GNAT1: variants seen among roughly 807,000 people sequenced by gnomAD.
The protein encoded by GNAT1 is guanine nucleotide-binding protein G(t) subunit alpha-1.
A neutral mutation model predicts 40.0 loss-of-function variants in GNAT1; 36 were observed. The observed-to-expected ratio is 0.90, with a 90% CI of 0.69 to 1.19. The LOEUF is 1.19. GNAT1 is among the 50% of genes most tolerant of loss of function. GNAT1 has a pLI of 0.00. For missense variants in GNAT1, 413 were observed against 480.6 expected, an observed-to-expected ratio of 0.86 and a Z score of 1.32; for synonymous variants, 195 against 192.9, an observed-to-expected ratio of 1.01 and a Z score of -0.09.
rs1699439204 is a variant in GNAT1, at chr3:50,193,124, C to CAGA, written c.107-9_107-8insAGA. On this transcript the variant is annotated splice_polypyrimidine_tract_variant and intron_variant, in intron 1 of 8. Transcript: ENST00000232461. The surrounding 1 kb of genome is among the most constrained non-coding windows in gnomAD (Gnocchi z 8.1). ...TCAGCGCAGCTCTGAGGCGCCGCGT[C>CAGA]TCTTTCAGGTGCCGGTGAGTCCGGG... 1 of 1,613,704 alleles carries CAGA rather than the reference C, an allele frequency of 6.2e-7. No homozygotes were observed. Among genetic ancestry groups the CAGA allele is most frequent in the Admixed American group, 1.7e-5 (1 of 59,990 alleles).
intron 1 of GNAT1, among the ~76,000 whole-genome samples, chr3:50,192,321 G>A (rs1269803045): frequency 3.3e-5 from 5 of 152,220 alleles, no homozygotes; most frequent in Non-Finnish European, 7.3e-5. Context: ...AGGTGCCAGA[G>A]GGCTGTGGCT....
chr3:50,192,713 A>G (rs190538785), intron 1 of GNAT1: 449 of 342,462 alleles, frequency 1.3e-3, no homozygotes, highest in Non-Finnish European at 2.1e-3. Flanking sequence ...AGACACCTGC[A>G]CCCCTTCAGG....
In GNAT1 at chr3:50,193,864, C is replaced by T; in HGVS notation, c.561C>T (p.Phe187=). The T allele has an allele frequency of 6.2e-7, 1 of 1,613,314 alleles. No homozygotes were observed. The highest frequency in any genetic ancestry group is 8.5e-7 in the Non-Finnish European group (1 of 1,179,940). The change falls in exon 5 of 9, where the codon TTC becomes TTT. Residue 187 remains phenylalanine (F), a synonymous_variant. Transcript: ENST00000232461. This position sits in a 1 kb window ranked among gnomAD's most constrained non-coding sequence, Gnocchi z 8.1. ...TTGIIETQFS[F]KDLNFRMFDV... is the part of the protein sequence containing the mutation. ...GCATCATCGAGACGCAGTTCTCCTT[C>T]AAGGATCTCAACTTCCGGTACGACC...
chr3:50,192,847 T>G (rs1699433143), intron 1 of GNAT1: 1 of 574,510 alleles, frequency 1.7e-6, no homozygotes. Flanking sequence ...AAAGGCTGCC[T>G]GTGCCGGGGT....
At position 50,194,963 on chromosome 3, in the gene GNAT1, C is replaced by A; in HGVS notation, c.*1+7C>A. The A allele has an allele frequency of 6.2e-7, 1 of 1,603,906 alleles. No homozygotes were observed. Among genetic ancestry groups the A allele is most frequent in the Non-Finnish European group, 8.5e-7 (1 of 1,172,974 alleles). On this transcript the variant is annotated splice_region_variant and intron_variant, in intron 8 of 8. Coordinates refer to ENST00000232461, the MANE Select transcript of GNAT1 (RefSeq NM_144499.3). The surrounding 1 kb of genome is among the most constrained non-coding windows in gnomAD (Gnocchi z 6.1). ...GACTGTGGCCTCTTCTGAGGTAGGTCGCTGCCCTCTCCAGGCTCTTGCCTC... is the reference window on the plus strand; with the variant it reads ...GACTGTGGCCTCTTCTGAGGTAGGTAGCTGCCCTCTCCAGGCTCTTGCCTC...
chr3:50,193,680 C>A lies in GNAT1; in HGVS notation c.449+17C>A. The A allele has an allele frequency of 6.3e-7, 1 of 1,599,450 alleles. No homozygotes were observed. The highest frequency in any genetic ancestry group is 8.5e-7 in the Non-Finnish European group (1 of 1,173,574). ...GGCGGGCTAGTGAGCGCGCGGGCAG[C>A]GCGGGGCGCGGGGCGCGGGGCGCAG... is the stretch of plus-strand genomic sequence containing the variant. On this transcript the variant is annotated intron_variant, in intron 4 of 8. Transcript: ENST00000232461. The surrounding 1 kb of genome is among the most constrained non-coding windows in gnomAD (Gnocchi z 8.1).
intron 1 of GNAT1, among the ~76,000 whole-genome samples, chr3:50,192,248 G>A (rs760264644): frequency 6.6e-6 from 1 of 152,218 alleles, no homozygotes; most frequent in Non-Finnish European, 1.5e-5. Context: ...GAAGGGGATG[G>A]CCATAGTCCT....
rs1699485220 is a variant in GNAT1 at position 50,195,333 on chromosome 3, A to C, written c.*67A>C. Reference sequence around the variant, plus strand: ...AGCCCTAGCTGCCTTGCAGCCCCAAACCCCAGGACCCTATCAGCCCCCTGG... The same window carrying C: ...AGCCCTAGCTGCCTTGCAGCCCCAACCCCCAGGACCCTATCAGCCCCCTGG... On this transcript the variant is annotated 3_prime_UTR_variant, in exon 9 of 9. Coordinates refer to ENST00000232461, the MANE Select transcript of GNAT1 (RefSeq NM_144499.3). 2.5e-5 allele frequency: 8 copies of C among 315,664 alleles called. No individual in the cohort carries two copies. Among genetic ancestry groups the C allele is most frequent in the Admixed American group, 4.3e-5 (1 of 23,048 alleles). The allele number at this position is 315,664 out of a possible 1,614,324, so 19.6% of individuals were successfully genotyped here.
At position 50,191,756 on chromosome 3, in the gene GNAT1, C is replaced by T. The variant is rs1377171417; in HGVS notation, c.31C>T (p.His11Tyr). MGAGASAEEK[H>Y]SRELEKKLKE... is the part of the protein sequence containing the mutation. ...GGCTGGGGCCAGTGCTGAGGAGAAG[C>T]ACTCCAGGGAGCTGGAAAAGAAGCT... Residue 11 changes from histidine to tyrosine, a missense_variant, in exon 1 of 9, where the codon CAC becomes TAC. Transcript: ENST00000232461. 3.1e-6 allele frequency: 5 copies of T among 1,613,630 alleles called. No individual in the cohort carries two copies. The highest frequency in any genetic ancestry group is 4.2e-6 in the Non-Finnish European group (5 of 1,179,524).
At position 50,194,710 on chromosome 3, in the gene GNAT1, A is replaced by AC. The variant is rs1012883337; in HGVS notation, c.863-49dup. 4.4e-6 allele frequency: 7 copies of AC among 1,606,172 alleles called. No homozygotes were observed. The highest frequency in any genetic ancestry group is 2.2e-5 in the East Asian group (1 of 44,754). On this transcript the variant is annotated intron_variant, in intron 7 of 8. Coordinates refer to ENST00000232461, the MANE Select transcript of GNAT1 (RefSeq NM_144499.3). This position sits in a 1 kb window ranked among gnomAD's most constrained non-coding sequence, Gnocchi z 6.1. ...CCCCCGCCCCACGATCGCGGCGCGC[A>AC]CCCCCCGCACGGGGAAGGAAGGGCT...
rs1043856138 is a variant in GNAT1 at position 50,196,539 on chromosome 3, A to C, written c.*1273A>C. On this transcript the variant is annotated 3_prime_UTR_variant, in exon 9 of 9. Coordinates refer to ENST00000232461, the MANE Select transcript of GNAT1 (RefSeq NM_144499.3). Reference sequence around the variant, plus strand: ...GGCTCCAGCTGTCCTTTCTTGGTGGAGGACTTAATTATCACAAGTCATGGG... The same window carrying C: ...GGCTCCAGCTGTCCTTTCTTGGTGGCGGACTTAATTATCACAAGTCATGGG... 1 of 152,610 alleles carries C rather than the reference A, an allele frequency of 6.6e-6. No individual in the cohort carries two copies. Among genetic ancestry groups the C allele is most frequent in the Non-Finnish European group, 1.5e-5 (1 of 68,036 alleles). The allele number at this position is 152,610 out of a possible 1,614,324, so 9.5% of individuals were successfully genotyped here. A position where few individuals can be genotyped will look rare whatever the true frequency, so the allele number is the denominator to read the frequency against.
chr3:50,194,056 C>T lies in GNAT1; in HGVS notation c.579-36C>T, dbSNP rs1392548357. Reference sequence around the variant, plus strand: ...GGGCGAAGGGATGTTGCCTGTGGGGCCCGGGGCGCAGGTTCAGGCCCCCGC... The same window carrying T: ...GGGCGAAGGGATGTTGCCTGTGGGGTCCGGGGCGCAGGTTCAGGCCCCCGC... On this transcript the variant is annotated intron_variant, in intron 5 of 8. Coordinates refer to ENST00000232461, the MANE Select transcript of GNAT1 (RefSeq NM_144499.3). The surrounding 1 kb of genome is among the most constrained non-coding windows in gnomAD (Gnocchi z 6.1). The T allele has an allele frequency of 5.0e-6, 8 of 1,610,916 alleles. No individual in the cohort carries two copies. The highest frequency in any genetic ancestry group is 6.8e-6 in the Non-Finnish European group (8 of 1,178,148).
rs769750483 is a variant in GNAT1, at chr3:50,193,802, G to A, written c.499G>A (p.Glu167Lys). The change falls in exon 5 of 9, where the codon GAG (glutamate) becomes AAG (lysine). Residue 167 changes from glutamate to lysine, a missense_variant. Glu to Lys is a moderately conservative substitution (Grantham distance 56). Transcript: ENST00000232461. This position sits in a 1 kb window ranked among gnomAD's most constrained non-coding sequence, Gnocchi z 8.1. ...GGTAACCCCGGGCTACGTGCCCACC[G>A]AGCAGGACGTGCTGCGCTCGCGAGT... ...RLVTPGYVPT[E>K]QDVLRSRVKT... 2 of 1,612,844 alleles carry A rather than the reference G, an allele frequency of 1.2e-6. No individual in the cohort carries two copies. The highest frequency in any genetic ancestry group is 2.2e-5 in the East Asian group (1 of 44,880).
chr3:50,194,702 C>T lies in GNAT1; in HGVS notation c.862+48C>T. On this transcript the variant is annotated intron_variant, in intron 7 of 8. Coordinates refer to ENST00000232461, the MANE Select transcript of GNAT1 (RefSeq NM_144499.3). This position sits in a 1 kb window ranked among gnomAD's most constrained non-coding sequence, Gnocchi z 6.1. The stretch of plus-strand genomic sequence containing the variant: ...AGGCGGCGCCCCCGCCCCACGATCG[C>T]GGCGCGCACCCCCCGCACGGGGAAG... The T allele has an allele frequency of 6.2e-7, 1 of 1,609,364 alleles. No homozygotes were observed.
At chr3:50,195,062 C>G (rs998331779) in intron 8 of GNAT1, 106 bp downstream of exon 8, 2 of 831,638 alleles carry the variant, frequency 2.4e-6, no homozygotes, top group African/African-American at 3.4e-5. Context: ...CTGGAGCCTA[C>G]TGCCTCCAGG....
At position 50,193,240 on chromosome 3, in the gene GNAT1, C is replaced by A; in HGVS notation, c.150-25C>A. 1 of 1,614,170 alleles carries A rather than the reference C, an allele frequency of 6.2e-7. No individual in the cohort carries two copies. Among genetic ancestry groups the A allele is most frequent in the South Asian group, 1.1e-5 (1 of 91,088 alleles). ...TCCTTCCCCACTTCCCCACGAGGCG[C>A]TGATTCTGCTCTCCTCGGCCTCAGG... On this transcript the variant is annotated intron_variant, in intron 2 of 8. Coordinates refer to ENST00000232461, the MANE Select transcript of GNAT1 (RefSeq NM_144499.3). The surrounding 1 kb of genome is among the most constrained non-coding windows in gnomAD (Gnocchi z 8.1).
At position 50,194,673 on chromosome 3, in the gene GNAT1, C is replaced by A. The variant is rs1295158526; in HGVS notation, c.862+19C>A. The stretch of plus-strand genomic sequence containing the variant: ...TACGATGGTGAGAAGTCCGCAAGGC[C>A]GCCAGGCGGCGCCCCCGCCCCACGA... On this transcript the variant is annotated intron_variant, in intron 7 of 8. Transcript: ENST00000232461. The surrounding 1 kb of genome is among the most constrained non-coding windows in gnomAD (Gnocchi z 6.1). The A allele has an allele frequency of 6.2e-7, 1 of 1,611,748 alleles. No homozygotes were observed. Among genetic ancestry groups the A allele is most frequent in the African/African-American group, 1.3e-5 (1 of 75,002 alleles).
rs1165407105 is a variant in GNAT1 at position 50,191,805 on chromosome 3, C to T, written c.80C>T (p.Ala27Val). The change falls in exon 1 of 9, where the codon GCT (alanine) becomes GTT (valine). Residue 27 changes from alanine to valine, a missense_variant. Physicochemically the swap from Ala to Val is moderately conservative, Grantham distance 64. Transcript: ENST00000232461. ...KKLKEDAEKD[A>V]RTVKLLLLGA... Reference sequence around the variant, plus strand: ...CTGAAAGAGGACGCTGAGAAGGATGCTCGAACCGTGAAGCTGCTGCTTCTG... The same window carrying T: ...CTGAAAGAGGACGCTGAGAAGGATGTTCGAACCGTGAAGCTGCTGCTTCTG... 1.2e-6 allele frequency: 2 copies of T among 1,613,396 alleles called. No homozygotes were observed. Among genetic ancestry groups the T allele is most frequent in the South Asian group, 2.2e-5 (2 of 91,068 alleles).
In GNAT1 at chr3:50,194,432, G is replaced by A. The variant is rs559845646; in HGVS notation, c.709-69G>A. 1.3e-6 allele frequency: 2 copies of A among 1,558,250 alleles called. No homozygotes were observed. The highest frequency in any genetic ancestry group is 1.8e-6 in the Non-Finnish European group (2 of 1,138,600). ...CTGAGCGGGAAGCCCCGCGTGCCCG[G>A]GAGCCCAGAGAGCAGGTGCTGCGGG... On this transcript the variant is annotated intron_variant, in intron 6 of 8. Transcript: ENST00000232461. The surrounding 1 kb of genome is among the most constrained non-coding windows in gnomAD (Gnocchi z 6.1).
Sources: allele counts gnomAD v4.1 joint callset (sites outside exome capture counted in the v4.1 genomes callset), GRCh38; gene constraint gnomAD v4.1.1; non-coding constraint Gnocchi (gnomAD v3.1); transcripts MANE v1.5; gene names NCBI Gene and HGNC (gene_info 2026-07-23, HGNC 2026-07-21).